RBFOX1: variants seen among roughly 807,000 people sequenced by gnomAD.
RBFOX1 encodes RNA binding protein fox-1 homolog 1.
In RBFOX1, 8 loss-of-function variants were observed where a neutral mutation model predicts 57.7. The observed-to-expected ratio is 0.14, with a 90% CI of 0.08 to 0.25. The LOEUF (loss-of-function observed/expected upper bound fraction) is 0.25. Among genes scored for constraint, RBFOX1 ranks in the 10% least tolerant of loss-of-function variants. The probability of loss-of-function intolerance (pLI) is 1.00; values close to 1 mark genes in which losing one functional copy is unlikely to be tolerated. For missense variants in RBFOX1, 611 were observed against 548.5 expected (o/e 1.11, Z -1.14); for synonymous variants, 326 against 222.4 (o/e 1.47, Z -4.15).
intron 3 of RBFOX1, among the ~76,000 whole-genome samples, chr16:5,814,429 G>C (rs1359955570): frequency 6.6e-6 from 1 of 152,142 alleles, no homozygotes; most frequent in Non-Finnish European, 1.5e-5. Flanking sequence ...ACCCCCAGCA[G>C]CGACAATAAT....
chr16:7,708,010 G>A (rs760306713), intron 14 of RBFOX1, among the ~76,000 whole-genome samples: 1 of 152,156 alleles, frequency 6.6e-6, no homozygotes, highest in African/African-American at 2.4e-5. Context: ...TATGGGCACA[G>A]GATACGGTGG....
At chr16:7,179,813 C>T (rs1012455097) in intron 4 of RBFOX1, among the ~76,000 whole-genome samples, 9 of 152,054 alleles carry the variant, frequency 5.9e-5, no homozygotes, top group African/African-American at 1.7e-4. Flanking sequence ...CGGCTCACTG[C>T]AACCTACTCC....
At chr16:6,446,272 G>A (rs2094483676) in intron 2 of RBFOX1, among the ~76,000 whole-genome samples, 1 of 152,170 alleles carries the variant, frequency 6.6e-6, no homozygotes, top group African/African-American at 2.4e-5. Flanking sequence ...CAAAGTGCTG[G>A]GATGACAGGC....
rs148271767 is a variant in RBFOX1, at chr16:6,036,146, G to C, written c.-127+16154G>C. Among the ~76,000 whole-genome samples the C allele has an allele frequency of 8.4e-4, 128 of 152,340 alleles. 1 individual carries two copies. Among genetic ancestry groups the C allele is most frequent in the African/African-American group, 2.9e-3 (121 of 41,592 alleles). On this transcript the variant is annotated intron_variant, in intron 1 of 15. Transcript: ENST00000550418. Reference sequence around the variant, plus strand: ...AAACGCTTTGTGTACAATGGGAACTGAGACAATTCCCTCAGCAAAGAACAT... The same window carrying C: ...AAACGCTTTGTGTACAATGGGAACTCAGACAATTCCCTCAGCAAAGAACAT...
At chr16:7,311,481 T>A (rs568266858) in intron 4 of RBFOX1, among the ~76,000 whole-genome samples, 8 of 149,260 alleles carry the variant, frequency 5.4e-5, no homozygotes, top group African/African-American at 1.5e-4. Flanking sequence ...GCCTTTTCTT[T>A]TTTTTTTTTT....
intron 2 of RBFOX1, among the ~76,000 whole-genome samples, chr16:5,564,405 C>T (rs553143012): frequency 3.9e-5 from 6 of 152,142 alleles, no homozygotes; most frequent in African/African-American, 7.2e-5. Flanking sequence ...TTTTTGTCTC[C>T]TCCCACTGAA....
intron 4 of RBFOX1, among the ~76,000 whole-genome samples, chr16:7,486,904 G>A (rs905944153): frequency 1.5e-4 from 23 of 152,076 alleles, no homozygotes; most frequent in Non-Finnish European, 2.6e-4. Flanking sequence ...CAAGGCATTT[G>A]TTTTTGTCTT....
chr16:7,335,821 C>T (rs1464590893), intron 4 of RBFOX1, among the ~76,000 whole-genome samples: 1 of 152,108 alleles, frequency 6.6e-6, no homozygotes, highest in East Asian at 1.9e-4. Context: ...TCTCCTGAAC[C>T]CATTATTTTA....
intron 3 of RBFOX1, among the ~76,000 whole-genome samples, chr16:6,923,398 TG>T (rs1286430235): frequency 1.3e-5 from 2 of 151,974 alleles, no homozygotes; most frequent in Non-Finnish European, 2.9e-5. Flanking sequence ...GCAGGCATGG[TG>T]GGGAACACTT....
intron 4 of RBFOX1, among the ~76,000 whole-genome samples, chr16:7,167,924 G>C (rs2152434417): frequency 6.6e-6 from 1 of 152,260 alleles, no homozygotes; most frequent in African/African-American, 2.4e-5. Context: ...GCTTGTCTGG[G>C]GATGCTGCGG....
At chr16:5,342,597 T>C (rs9921635) in intron 1 of RBFOX1, among the ~76,000 whole-genome samples, 20,074 of 152,114 alleles carry the variant, frequency 0.13, 3,442 homozygotes, top group African/African-American at 0.4. Context: ...GGGAAAGGAC[T>C]CAAAAATGCA....
chr16:6,788,580 A>G (rs921193847), intron 3 of RBFOX1, among the ~76,000 whole-genome samples: 1 of 151,696 alleles, frequency 6.6e-6, no homozygotes, highest in African/African-American at 2.4e-5. Context: ...GGTTCACGCC[A>G]TTCTCCTGCC....
At chr16:5,308,526 A>T (rs2063997788) in intron 1 of RBFOX1, among the ~76,000 whole-genome samples, 1 of 152,176 alleles carries the variant, frequency 6.6e-6, no homozygotes, top group Non-Finnish European at 1.5e-5. Flanking sequence ...TGGCTGTGAT[A>T]GATGAGATTT....
At chr16:7,515,948 G>A (rs1017336309) in intron 4 of RBFOX1, among the ~76,000 whole-genome samples, 16 of 152,116 alleles carry the variant, frequency 1.1e-4, no homozygotes, top group African/African-American at 3.9e-4. Flanking sequence ...ACATTCAAGT[G>A]GTTCTCCTGC....
chr16:5,716,291 G>A (rs767648546), intron 3 of RBFOX1, among the ~76,000 whole-genome samples: 1 of 152,196 alleles, frequency 6.6e-6, no homozygotes, highest in Non-Finnish European at 1.5e-5. Context: ...AGGGGTGCAA[G>A]TACAGGTTTG....
At chr16:6,342,366 A>G (rs1290015567) in intron 2 of RBFOX1, among the ~76,000 whole-genome samples, 1 of 152,206 alleles carries the variant, frequency 6.6e-6, no homozygotes, top group East Asian at 1.9e-4. Flanking sequence ...ATTAAAAACA[A>G]GTAGAAACGA....
chr16:6,640,847 A>G (rs916985001), intron 2 of RBFOX1, among the ~76,000 whole-genome samples: 2 of 152,058 alleles, frequency 1.3e-5, no homozygotes, highest in Non-Finnish European at 2.9e-5. Context: ...TTCTAGCCCC[A>G]TCTTAGGATT....
chr16:6,395,375 C>T (rs17140128), intron 2 of RBFOX1, among the ~76,000 whole-genome samples: 259 of 152,260 alleles, frequency 1.7e-3, no homozygotes, highest in African/African-American at 4.5e-3. Context: ...AGTCTTTTAT[C>T]CATGCATTTT....
At chr16:7,561,819 G>C (rs1041064446) in intron 5 of RBFOX1, among the ~76,000 whole-genome samples, 5 of 152,194 alleles carry the variant, frequency 3.3e-5, no homozygotes, top group Admixed American at 3.3e-4. Flanking sequence ...TTAGGTCTGG[G>C]AAATTAGCAT....
Sources: allele counts gnomAD v4.1 joint callset (sites outside exome capture counted in the v4.1 genomes callset), GRCh38; gene constraint gnomAD v4.1.1; transcripts MANE v1.5; gene names NCBI Gene and HGNC (gene_info 2026-07-23, HGNC 2026-07-21).